The following CCDC178 variants were observed in gnomAD, a reference collection of about 807,000 sequenced individuals.
The protein encoded by CCDC178 is coiled-coil domain-containing protein 178.
A neutral mutation model predicts 117.4 loss-of-function variants in CCDC178; 126 were observed. The ratio of observed to expected loss-of-function variants is 1.07; its 90% CI spans 0.93 to 1.24. The LOEUF (loss-of-function observed/expected upper bound fraction) is 1.24. CCDC178 is among the 50% of genes most tolerant of loss of function. The pLI is 0.00. For synonymous variants in CCDC178, 283 were observed against 313.4 expected (o/e 0.90, Z 1.02); for missense variants, 1,030 against 986.9 (o/e 1.04, Z -0.59).
At chr18:33,137,220 C>T (rs778625025) in intron 20 of CCDC178, among the ~76,000 whole-genome samples, 14 of 152,122 alleles carry the variant, frequency 9.2e-5, no homozygotes, top group Non-Finnish European at 1.8e-4. Context: ...TTATTCAGTT[C>T]ATTCACAAGC....
At chr18:33,021,093 C>T (rs1050378603) in intron 21 of CCDC178, among the ~76,000 whole-genome samples, 3 of 152,124 alleles carry the variant, frequency 2.0e-5, no homozygotes. Flanking sequence ...AAACAGCAAC[C>T]AACATTACAT....
intron 5 of CCDC178, among the ~76,000 whole-genome samples, chr18:33,373,372 T>A (rs1259753324): frequency 6.6e-6 from 1 of 152,134 alleles, no homozygotes; most frequent in Non-Finnish European, 1.5e-5. Flanking sequence ...CAATACAATT[T>A]TTTTTTACTT....
chr18:32,938,528 A>G (rs565957849), intron 22 of CCDC178, among the ~76,000 whole-genome samples: 2 of 152,284 alleles, frequency 1.3e-5, no homozygotes, highest in East Asian at 3.9e-4. Flanking sequence ...CAACAAATAT[A>G]TTTATTTATA....
At chr18:33,005,234 T>C (rs530720132) in intron 21 of CCDC178, among the ~76,000 whole-genome samples, 106 of 152,162 alleles carry the variant, frequency 7.0e-4, no homozygotes, top group African/African-American at 2.4e-3. Context: ...CAACAGATGA[T>C]TGGATAAAGA....
intron 20 of CCDC178, among the ~76,000 whole-genome samples, chr18:33,205,015 T>C (rs145516865): frequency 1.2e-3 from 175 of 152,158 alleles, no homozygotes; most frequent in African/African-American, 3.9e-3. Context: ...GGTAAAAGTT[T>C]TGATTTATGA....
intron 21 of CCDC178, chr18:32,983,138 TAAAA>T: frequency 2.4e-6 from 1 of 409,342 alleles, no homozygotes; most frequent in Non-Finnish European, 4.3e-6. Context: ...AAATAAAATC[TAAAA>T]AAAAAAAAAC....
intron 20 of CCDC178, among the ~76,000 whole-genome samples, chr18:33,188,884 A>C (rs2058825978): frequency 6.6e-6 from 1 of 152,208 alleles, no homozygotes; most frequent in Non-Finnish European, 1.5e-5. Context: ...CAGTGGTTCA[A>C]GTATTAAGGG....
chr18:33,108,862 AAC>A (rs1325397751), intron 20 of CCDC178, among the ~76,000 whole-genome samples: 1 of 151,686 alleles, frequency 6.6e-6, no homozygotes, highest in African/African-American at 2.4e-5. Context: ...TTAAAAATAA[AAC>A]TTTAGTTAGA....
intron 12 of CCDC178, among the ~76,000 whole-genome samples, chr18:33,284,986 AG>A (rs1433466274): frequency 6.6e-6 from 1 of 152,070 alleles, no homozygotes; most frequent in Non-Finnish European, 1.5e-5. Flanking sequence ...AAAAGTAAAA[AG>A]TGAAAGAATA....
intron 11 of CCDC178, among the ~76,000 whole-genome samples, chr18:33,309,152 A>G (rs1049644481): frequency 2.0e-5 from 3 of 151,080 alleles, no homozygotes; most frequent in African/African-American, 7.3e-5. Context: ...ACATAAGGCT[A>G]TGAACATAGC....
intron 3 of CCDC178, among the ~76,000 whole-genome samples, chr18:33,411,392 T>C (rs1364914757): frequency 6.6e-6 from 1 of 152,138 alleles, no homozygotes; most frequent in African/African-American, 2.4e-5. Context: ...CTTACAAATA[T>C]AAAAACCATT....
At chr18:33,404,225 AT>A (rs1274146060) in intron 3 of CCDC178, among the ~76,000 whole-genome samples, 1 of 152,194 alleles carries the variant, frequency 6.6e-6, no homozygotes, top group African/African-American at 2.4e-5. Flanking sequence ...ATATTGGTTT[AT>A]CAACTTTAAC....
chr18:33,163,902 C>T (rs1052906049), intron 20 of CCDC178, among the ~76,000 whole-genome samples: 6 of 152,040 alleles, frequency 3.9e-5, no homozygotes, highest in East Asian at 1.9e-4. Flanking sequence ...AAGTTAAATG[C>T]GAAAATATAT....
chr18:33,225,073 A>G, intron 16 of CCDC178, 137 bp from the exon 17 acceptor site: 1 of 379,394 alleles, frequency 2.6e-6, no homozygotes, highest in Non-Finnish European at 4.4e-6. Context: ...TAAAAAATGG[A>G]TACGAATGTA....
intron 2 of CCDC178, among the ~76,000 whole-genome samples, chr18:33,414,792 A>T (rs1321304286): frequency 6.6e-6 from 1 of 152,238 alleles, no homozygotes; most frequent in Non-Finnish European, 1.5e-5. Context: ...AATTTTTGCA[A>T]TCTACTCATC....
chr18:33,159,992 A>T (rs1376776789), intron 20 of CCDC178, among the ~76,000 whole-genome samples: 1 of 152,112 alleles, frequency 6.6e-6, no homozygotes, highest in African/African-American at 2.4e-5. Context: ...TATTACAAAA[A>T]CTGCCTTTAA....
chr18:33,266,462 T>C (rs2059815860), intron 14 of CCDC178, among the ~76,000 whole-genome samples: 1 of 151,874 alleles, frequency 6.6e-6, no homozygotes, highest in South Asian at 2.1e-4. Context: ...TATTTTTTAG[T>C]GTAAGAGGAT....
intron 20 of CCDC178, among the ~76,000 whole-genome samples, chr18:33,109,508 A>G (rs1360446880): frequency 2.0e-5 from 3 of 151,580 alleles, no homozygotes; most frequent in Non-Finnish European, 4.4e-5. Flanking sequence ...TAAAAACTTT[A>G]TTCTTAAGAT....
intron 15 of CCDC178, among the ~76,000 whole-genome samples, chr18:33,241,356 C>T (rs1219329589): frequency 6.6e-6 from 1 of 150,702 alleles, no homozygotes; most frequent in East Asian, 1.9e-4. Context: ...AGCAATTGGG[C>T]AAGAAAAATA....
Sources: gnomAD v4.1 joint callset for allele counts (sites outside exome capture counted in the v4.1 genomes callset) on GRCh38, gnomAD v4.1.1 for gene constraint, MANE v1.5 for transcripts, NCBI Gene and HGNC (gene_info 2026-07-23, HGNC 2026-07-21) for gene names.